Variants in DPP10 observed in about 807,000 individuals in gnomAD.
DPP10 encodes the protein inactive dipeptidyl peptidase 10.
In DPP10, 33 loss-of-function variants were observed where a neutral mutation model predicts 120.9. The observed-to-expected ratio is 0.27, with a 90% CI of 0.21 to 0.37. The LOEUF is 0.37. Ranked by LOEUF, DPP10 falls within the 10% of genes least tolerant of loss-of-function variation. The probability of loss-of-function intolerance (pLI) is 1.00; values close to 1 mark genes in which losing one functional copy is unlikely to be tolerated. For synonymous variants in DPP10, 337 were observed against 326.1 expected (o/e 1.03, Z -0.36); for missense variants, 816 against 942.8 (o/e 0.87, Z 1.76).
At chr2:115,057,583 C>G (rs1467865069) in intron 1 of DPP10, among the ~76,000 whole-genome samples, 1 of 152,118 alleles carries the variant, frequency 6.6e-6, no homozygotes, top group East Asian at 1.9e-4. Flanking sequence ...ATGGAAAGGA[C>G]AGAAGGAGCA....
At chr2:114,662,325 C>G (rs1039358455) in intron 1 of DPP10, among the ~76,000 whole-genome samples, 3 of 152,212 alleles carry the variant, frequency 2.0e-5, no homozygotes, top group African/African-American at 7.2e-5. Context: ...CGCGGGCCTC[C>G]CTGCGGGGGC....
At chr2:115,642,084 T>C (rs1297264034) in intron 5 of DPP10, among the ~76,000 whole-genome samples, 4 of 152,138 alleles carry the variant, frequency 2.6e-5, no homozygotes, top group Admixed American at 6.6e-5. Flanking sequence ...AATATATTAT[T>C]TGCATGTTAC....
intron 3 of DPP10, among the ~76,000 whole-genome samples, chr2:115,499,170 T>C (rs943751720): frequency 1.3e-5 from 2 of 152,084 alleles, no homozygotes; most frequent in Non-Finnish European, 2.9e-5. Context: ...TCATCAGTAA[T>C]GGTTTACTTT....
intron 1 of DPP10, among the ~76,000 whole-genome samples, chr2:114,734,991 G>A (rs80154998): frequency 6.6e-6 from 1 of 152,116 alleles, no homozygotes; most frequent in South Asian, 2.1e-4. Flanking sequence ...GTTCTCACAT[G>A]CCCTTTTCTC....
At chr2:115,021,397 A>G (rs953628503) in intron 1 of DPP10, among the ~76,000 whole-genome samples, 12 of 152,114 alleles carry the variant, frequency 7.9e-5, no homozygotes, top group African/African-American at 2.9e-4. Flanking sequence ...GCCTTTAAAC[A>G]CATAAACTGG....
chr2:115,618,306 A>G (rs995287515), intron 5 of DPP10, among the ~76,000 whole-genome samples: 16 of 152,198 alleles, frequency 1.1e-4, no homozygotes, highest in African/African-American at 3.9e-4. Context: ...CATTGAGTGC[A>G]ATGTGTCAGT....
At chr2:115,645,624 TCTTC>T (rs1340761899) in intron 5 of DPP10, among the ~76,000 whole-genome samples, 1 of 152,178 alleles carries the variant, frequency 6.6e-6, no homozygotes, top group Non-Finnish European at 1.5e-5. Context: ...TATATCCCCT[TCTTC>T]CTTATTATAA....
intron 7 of DPP10, among the ~76,000 whole-genome samples, chr2:115,699,565 T>A (rs1195598657): frequency 6.6e-6 from 1 of 152,132 alleles, no homozygotes; most frequent in African/African-American, 2.4e-5. Context: ...TTTGAGATCA[T>A]GCCACTGCAC....
At chr2:114,609,680 A>C (rs995436866) in intron 1 of DPP10, among the ~76,000 whole-genome samples, 2 of 152,206 alleles carry the variant, frequency 1.3e-5, no homozygotes, top group African/African-American at 2.4e-5. Flanking sequence ...AAACACAGAG[A>C]TTCCAAACTA....
intron 1 of DPP10, among the ~76,000 whole-genome samples, chr2:114,594,625 A>G (rs546957528): frequency 2.2e-5 from 3 of 136,038 alleles, no homozygotes; most frequent in South Asian, 2.3e-4. Context: ...TTATATGCAC[A>G]TATATATATC....
chr2:115,217,392 C>T (rs914125597), intron 1 of DPP10, among the ~76,000 whole-genome samples: 5 of 152,092 alleles, frequency 3.3e-5, no homozygotes, highest in South Asian at 2.1e-4. Context: ...ATTCTGTTTT[C>T]GTGGATGATG....
At chr2:115,662,269 A>G (rs561329639) in intron 5 of DPP10, among the ~76,000 whole-genome samples, 2 of 152,290 alleles carry the variant, frequency 1.3e-5, no homozygotes, top group Non-Finnish European at 2.9e-5. Context: ...ATCCACTGCA[A>G]GACATTTTAG....
chr2:114,727,498 G>A (rs952774794), intron 1 of DPP10, among the ~76,000 whole-genome samples: 43 of 152,192 alleles, frequency 2.8e-4, no homozygotes, highest in Non-Finnish European at 5.0e-4. Flanking sequence ...AGGAGCCCTG[G>A]GATAAGTTAA....
chr2:115,697,188 T>C (rs1417055234), intron 7 of DPP10, among the ~76,000 whole-genome samples: 1 of 151,972 alleles, frequency 6.6e-6, no homozygotes, highest in Non-Finnish European at 1.5e-5. Context: ...ATAAGGGATA[T>C]AGAAAAGAAA....
intron 11 of DPP10, among the ~76,000 whole-genome samples, chr2:115,761,833 A>T (rs1036829774): frequency 2.6e-5 from 4 of 152,106 alleles, no homozygotes; most frequent in Non-Finnish European, 5.9e-5. Flanking sequence ...GCATATAGGA[A>T]AGCCCCTAAT....
At chr2:114,844,337 C>T (rs547065436) in intron 1 of DPP10, among the ~76,000 whole-genome samples, 5 of 151,846 alleles carry the variant, frequency 3.3e-5, no homozygotes, top group East Asian at 1.9e-4. Flanking sequence ...AAGACGACAG[C>T]GGTCAGAATA....
At chr2:114,553,917 G>A (rs1350854633) in intron 1 of DPP10, among the ~76,000 whole-genome samples, 4 of 152,150 alleles carry the variant, frequency 2.6e-5, no homozygotes, top group Non-Finnish European at 5.9e-5. Context: ...GATCACACAA[G>A]ATTCCATCTT....
intron 5 of DPP10, among the ~76,000 whole-genome samples, chr2:115,622,604 C>T (rs1194665785): frequency 7.0e-6 from 1 of 143,406 alleles, no homozygotes; most frequent in Non-Finnish European, 1.5e-5. Flanking sequence ...TGGTAACTCT[C>T]TGTTTAACCT....
chr2:115,542,469 A>G (rs1182486888), intron 5 of DPP10, among the ~76,000 whole-genome samples: 1 of 152,012 alleles, frequency 6.6e-6, no homozygotes, highest in Non-Finnish European at 1.5e-5. Context: ...AAAAAGGAAG[A>G]TGCCATTAAA....
Sources: gnomAD v4.1 joint callset for allele counts (sites outside exome capture counted in the v4.1 genomes callset) on GRCh38, gnomAD v4.1.1 for gene constraint, MANE v1.5 for transcripts, NCBI Gene and HGNC (gene_info 2026-07-23, HGNC 2026-07-21) for gene names.